PALS2: variants seen among roughly 807,000 people sequenced by gnomAD.
PALS2 encodes protein PALS2.
Under a neutral mutation model 61.6 loss-of-function variants are expected in PALS2, and 27 were observed. The ratio of observed to expected loss-of-function variants is 0.44; its 90% CI spans 0.32 to 0.60. The LOEUF is 0.60. Among genes scored for constraint, PALS2 ranks in the 20% least tolerant of loss-of-function variants. The probability of loss-of-function intolerance (pLI) is 0.05; values close to 1 mark genes in which losing one functional copy is unlikely to be tolerated. For missense variants in PALS2, 554 were observed against 639.4 expected, an observed-to-expected ratio of 0.87 and a Z score of 1.44; for synonymous variants, 236 against 218.6, an observed-to-expected ratio of 1.08 and a Z score of -0.70.
chr7:24,645,172 T>G (rs981650392), intron 3 of PALS2, among the ~76,000 whole-genome samples: 6 of 152,202 alleles, frequency 3.9e-5, no homozygotes, highest in Non-Finnish European at 5.9e-5. Context: ...TTTGTTGTGA[T>G]TGCTTTTGAT....
chr7:24,676,723 C>G (rs1464616150), intron 9 of PALS2, among the ~76,000 whole-genome samples: 2 of 151,004 alleles, frequency 1.3e-5, no homozygotes, highest in African/African-American at 2.5e-5. Flanking sequence ...CTGTTCTGTT[C>G]CATTGATCTG....
Position 24,665,803 on chromosome 7 carries a change from C to G in PALS2, c.883+116C>G. 5 of 999,384 alleles carry G rather than the reference C, an allele frequency of 5.0e-6. No individual in the cohort carries two copies. The South Asian group carries it at 8.2e-5, about 16-fold the overall frequency. The allele number at this position is 999,384 out of a possible 1,614,324, so 61.9% of individuals were successfully genotyped here. ...AAATATGTCTAGAATGAATCCCTCC[C>G]TCTGCTTTCTCTCGCTCATAAGTAA... On this transcript the variant is annotated intron_variant, in intron 7 of 11. Transcript: ENST00000222644.
At chr7:24,577,806 C>T (rs1782694312) in intron 1 of PALS2, among the ~76,000 whole-genome samples, 1 of 152,156 alleles carries the variant, frequency 6.6e-6, no homozygotes. Context: ...CCTCATCCCC[C>T]TCAATCCCAT....
At chr7:24,645,560 A>G (rs933019187) in intron 3 of PALS2, among the ~76,000 whole-genome samples, 1 of 152,146 alleles carries the variant, frequency 6.6e-6, no homozygotes, top group African/African-American at 2.4e-5. Context: ...TGATGCCCCC[A>G]GCTTTGTTCT....
At chr7:24,623,643 T>G in intron 1 of PALS2, 23 bp from the exon 2 acceptor site, 1 of 1,406,606 alleles carries the variant, frequency 7.1e-7, no homozygotes, top group Non-Finnish European at 9.8e-7. Context: ...TTGTTTGTTT[T>G]TATGTTGCTT....
At chr7:24,574,521 G>A (rs1459725614) in intron 1 of PALS2, among the ~76,000 whole-genome samples, 2 of 152,140 alleles carry the variant, frequency 1.3e-5, no homozygotes, top group South Asian at 2.1e-4. Context: ...GTGTGCATCT[G>A]TGTAGGGGGT....
At chr7:24,647,925 A>G (rs1243809277) in intron 3 of PALS2, among the ~76,000 whole-genome samples, 1 of 152,210 alleles carries the variant, frequency 6.6e-6, no homozygotes, top group African/African-American at 2.4e-5. Flanking sequence ...AACTAGAGAT[A>G]GAAATTTAAG....
chr7:24,587,420 C>G (rs1462164654), intron 1 of PALS2, among the ~76,000 whole-genome samples: 2 of 152,044 alleles, frequency 1.3e-5, no homozygotes, highest in Non-Finnish European at 2.9e-5. Flanking sequence ...CCCTCTGTCA[C>G]CCAGTCGAGT....
chr7:24,629,116 C>T (rs917792877), intron 2 of PALS2, among the ~76,000 whole-genome samples: 7 of 152,282 alleles, frequency 4.6e-5, no homozygotes, highest in Admixed American at 2.0e-4. Context: ...GTAACTAAAA[C>T]ACCATGGTAC....
chr7:24,597,229 A>G (rs1226983105), intron 1 of PALS2: 2 of 152,216 alleles, frequency 1.3e-5, no homozygotes, highest in African/African-American at 2.4e-5. Context: ...TTATCATCAT[A>G]TAGAAACTAG....
chr7:24,602,414 G>T (rs554144499), intron 1 of PALS2, among the ~76,000 whole-genome samples: 5 of 152,220 alleles, frequency 3.3e-5, no homozygotes, highest in African/African-American at 1.2e-4. Flanking sequence ...CTGATGCTCT[G>T]ATTTCATGTT....
chr7:24,686,375 A>C (rs867657313), intron 11 of PALS2, among the ~76,000 whole-genome samples: 2 of 152,042 alleles, frequency 1.3e-5, no homozygotes, highest in African/African-American at 2.4e-5. Flanking sequence ...GGGGTCCTCC[A>C]TGACTTACCT....
At chr7:24,638,085 C>G (rs1785327365) in intron 2 of PALS2, among the ~76,000 whole-genome samples, 1 of 151,226 alleles carries the variant, frequency 6.6e-6, no homozygotes, top group East Asian at 1.9e-4. Context: ...TTGGTACTTG[C>G]CTCTTGAAAG....
intron 9 of PALS2, among the ~76,000 whole-genome samples, chr7:24,671,406 A>T (rs527853834): frequency 2.0e-5 from 3 of 152,188 alleles, no homozygotes; most frequent in Admixed American, 6.5e-5. Flanking sequence ...AGAGGAGGTC[A>T]TATTATATTC....
At chr7:24,610,987 G>A (rs536967676) in intron 1 of PALS2, among the ~76,000 whole-genome samples, 1 of 152,136 alleles carries the variant, frequency 6.6e-6, no homozygotes, top group Non-Finnish European at 1.5e-5. Context: ...ATTTTCAATG[G>A]AAATTCAGTT....
chr7:24,649,351 C>T (rs896867974), intron 3 of PALS2, among the ~76,000 whole-genome samples: 1 of 151,830 alleles, frequency 6.6e-6, no homozygotes, highest in African/African-American at 2.4e-5. Flanking sequence ...AGTGAACTTG[C>T]CAGTTTTTAA....
intron 1 of PALS2, among the ~76,000 whole-genome samples, chr7:24,585,310 G>C (rs539122237): frequency 3.3e-4 from 50 of 152,010 alleles, no homozygotes; most frequent in South Asian, 1.9e-3. Context: ...GAATGTTCTT[G>C]CATTTGTTTG....
At chr7:24,631,606 T>C (rs1784998308) in intron 2 of PALS2, among the ~76,000 whole-genome samples, 1 of 152,206 alleles carries the variant, frequency 6.6e-6, no homozygotes, top group Admixed American at 6.5e-5. Context: ...GATAAAATGC[T>C]CTCAAACAAC....
intron 6 of PALS2, 126 bp downstream of exon 6, chr7:24,663,847 C>T (rs753995037): frequency 3.6e-5 from 43 of 1,183,434 alleles, no homozygotes; most frequent in Non-Finnish European, 4.7e-5. Flanking sequence ...TGAACAGCTC[C>T]TGCTTCGTGG....
Sources: gnomAD v4.1 joint callset for allele counts (sites outside exome capture counted in the v4.1 genomes callset) on GRCh38, gnomAD v4.1.1 for gene constraint, MANE v1.5 for transcripts, NCBI Gene and HGNC (gene_info 2026-07-23, HGNC 2026-07-21) for gene names.